Variants in ACTR3C observed in about 807,000 individuals in gnomAD.
ACTR3C encodes actin related protein 3C.
A neutral mutation model predicts 26.3 loss-of-function variants in ACTR3C; 18 were observed. The ratio of observed to expected loss-of-function variants is 0.68; its 90% CI spans 0.47 to 1.01. ACTR3C has a LOEUF of 1.01. Ranked by LOEUF, ACTR3C falls within the 50% of genes least tolerant of loss-of-function variation. ACTR3C has a pLI of 0.00. For missense variants in ACTR3C, 184 were observed against 250.7 expected, an observed-to-expected ratio of 0.73 and a Z score of 1.80; for synonymous variants, 55 against 94.5, an observed-to-expected ratio of 0.58 and a Z score of 2.42.
At chr7:150,209,528 T>C in the ACTR3C span, among the ~76,000 whole-genome samples, 33 of 151,048 alleles carry the variant, frequency 2.2e-4, no homozygotes, top group African/African-American at 8.2e-4. Context: ...CATATGGTGT[T>C]AGGATATATC....
Position 150,286,367 on chromosome 7 carries a change from C to T in ACTR3C, c.471G>A (p.Glu157=). 6.2e-7 allele frequency: 1 copy of T among 1,613,974 alleles called. No individual in the cohort carries two copies. The part of the protein sequence containing the change: ...FLGPEIFFHP[E]FANPDSMESI... ...GCACACAAAAAAAGAAACACCTTAC[C>T]TCCGGGTGAAAGAATATTTCAGGTC... is the stretch of plus-strand genomic sequence containing the variant. The change falls in exon 5 of 8, where the codon GAG becomes GAA. Residue 157 remains glutamate, a splice_region_variant and synonymous_variant. Transcript: ENST00000683684.
chr7:150,204,806 C>T, the ACTR3C span, among the ~76,000 whole-genome samples: 5 of 150,842 alleles, frequency 3.3e-5, no homozygotes, highest in East Asian at 5.9e-4. Flanking sequence ...GGAGGACCAG[C>T]GAGTGCAGAG....
At chr7:150,239,507 G>GCTCTCTCT (rs1187583060), downstream of ACTR3C, among the ~76,000 whole-genome samples, 23 of 102,962 alleles carry the variant, frequency 2.2e-4, 2 homozygotes, top group East Asian at 1.1e-3. Context: ...AAAGTTGCTC[G>GCTCTCTCT]CTCTCTCTCT....
the ACTR3C span, among the ~76,000 whole-genome samples, chr7:149,898,488 A>G: frequency 1.3e-5 from 2 of 152,156 alleles, no homozygotes; most frequent in African/African-American, 4.8e-5. Flanking sequence ...GGCAGATCAC[A>G]AGGTCAAGAG....
intron 6 of ACTR3C, among the ~76,000 whole-genome samples, chr7:150,265,283 A>T (rs1229494211): frequency 6.6e-6 from 1 of 152,018 alleles, no homozygotes; most frequent in East Asian, 1.9e-4. Flanking sequence ...TAGTTTTTTT[A>T]AATCACTATT....
intron 1 of ACTR3C, among the ~76,000 whole-genome samples, chr7:150,310,169 C>G (rs540164130): frequency 1.1e-4 from 16 of 152,182 alleles, no homozygotes; most frequent in Non-Finnish European, 1.9e-4. Context: ...TACAGCCACA[C>G]CTCACTGCTG....
the ACTR3C span, among the ~76,000 whole-genome samples, chr7:150,060,565 G>A: frequency 2.6e-5 from 4 of 152,188 alleles, no homozygotes; most frequent in South Asian, 8.3e-4. Flanking sequence ...TCAGCCAACT[G>A]CAAAAATAAA....
chr7:150,022,249 T>C, the ACTR3C span, among the ~76,000 whole-genome samples: 1 of 152,106 alleles, frequency 6.6e-6, no homozygotes, highest in Non-Finnish European at 1.5e-5. Flanking sequence ...ATATGTTTGT[T>C]GGCCATTTGT....
chr7:150,091,946 C>G, the ACTR3C span, among the ~76,000 whole-genome samples: 3,128 of 125,072 alleles, frequency 0.025, 98 homozygotes, highest in African/African-American at 0.09. Flanking sequence ...CGAGATCGCG[C>G]CACTGCACTC....
the ACTR3C span, among the ~76,000 whole-genome samples, chr7:150,193,408 C>CTTTTTTTTTTTTTTTTTTTTTTTTTCT: frequency 7.5e-6 from 1 of 133,472 alleles, no homozygotes; most frequent in East Asian, 2.2e-4. Flanking sequence ...TTTTTATTTT[C>CTTTTTTTTTTTTTTTTTTTTTTTTTCT]TTTTTTTTTT....
At chr7:149,962,844 T>G in the ACTR3C span, among the ~76,000 whole-genome samples, 1 of 152,186 alleles carries the variant, frequency 6.6e-6, no homozygotes, top group East Asian at 1.9e-4. Context: ...ACTACGTATC[T>G]CACTCCTTCA....
the ACTR3C span, among the ~76,000 whole-genome samples, chr7:150,035,547 G>A: frequency 0.29 from 22,946 of 78,072 alleles, 2,770 homozygotes; most frequent in South Asian, 0.42. Context: ...CCCCTCCTGC[G>A]ATGGGGGTCC....
the ACTR3C span, among the ~76,000 whole-genome samples, chr7:150,005,417 T>C: frequency 6.6e-6 from 1 of 152,198 alleles, no homozygotes; most frequent in Non-Finnish European, 1.5e-5. Context: ...GAAACTGATG[T>C]GAGATTTTTG....
At chr7:150,193,271 T>C in the ACTR3C span, among the ~76,000 whole-genome samples, 6 of 152,164 alleles carry the variant, frequency 3.9e-5, no homozygotes, top group Non-Finnish European at 8.8e-5. Flanking sequence ...ATTGTTCATT[T>C]AATTTCTCTT....
chr7:149,979,422 AAGAC>A, the ACTR3C span, among the ~76,000 whole-genome samples: 52 of 152,210 alleles, frequency 3.4e-4, 2 homozygotes, highest in Non-Finnish European at 2.9e-5. Context: ...TTCCCCCTAA[AAGAC>A]AGACAAAGAC....
chr7:149,986,789 C>T, the ACTR3C span, among the ~76,000 whole-genome samples: 5 of 150,202 alleles, frequency 3.3e-5, no homozygotes, highest in Non-Finnish European at 7.4e-5. Flanking sequence ...CCAGTTTCCA[C>T]CCCTCTTACC....
At chr7:150,041,648 G>A in the ACTR3C span, among the ~76,000 whole-genome samples, 2 of 61,696 alleles carry the variant, frequency 3.2e-5, no homozygotes, top group Non-Finnish European at 8.6e-5. Flanking sequence ...CCCCCCCCCT[G>A]CGATGAGGGT....
chr7:150,039,107 G>C, the ACTR3C span, among the ~76,000 whole-genome samples: 4 of 150,014 alleles, frequency 2.7e-5, no homozygotes, highest in African/African-American at 9.9e-5. Context: ...TCCTCCAGGT[G>C]GGTCCTAAGG....
the ACTR3C span, among the ~76,000 whole-genome samples, chr7:150,005,861 GA>G: frequency 6.6e-6 from 1 of 152,220 alleles, no homozygotes; most frequent in Admixed American, 6.5e-5. Context: ...AGGGCTGATA[GA>G]AACTTTTCTT....
Sources: gnomAD v4.1 joint callset for allele counts (sites outside exome capture counted in the v4.1 genomes callset) on GRCh38, gnomAD v4.1.1 for gene constraint, MANE v1.5 for transcripts, NCBI Gene and HGNC (gene_info 2026-07-23, HGNC 2026-07-21) for gene names.